The following USP15 variants were observed in gnomAD, a reference collection of about 807,000 sequenced individuals.
USP15 encodes ubiquitin specific peptidase 15, also known as ubiquitin carboxyl-terminal hydrolase 15.
Under a neutral mutation model 127.1 loss-of-function variants are expected in USP15, and 18 were observed. That is an observed-to-expected ratio of 0.14 (90% CI 0.10 to 0.21). USP15 has a LOEUF of 0.21. Ranked by LOEUF, USP15 falls within the 10% of genes least tolerant of loss-of-function variation. The pLI is 1.00. For synonymous variants in USP15, 364 were observed against 393.7 expected, an observed-to-expected ratio of 0.92 and a Z score of 0.89; for missense variants, 805 against 1,159.9, an observed-to-expected ratio of 0.69 and a Z score of 4.44.
At chr12:62,379,276 G>T (rs948394816) in intron 8 of USP15, among the ~76,000 whole-genome samples, 1 of 151,764 alleles carries the variant, frequency 6.6e-6, no homozygotes, top group Non-Finnish European at 1.5e-5. Flanking sequence ...AGTATGTGGA[G>T]GAATGACTAA....
intron 3 of USP15, among the ~76,000 whole-genome samples, chr12:62,314,267 T>TA (rs1356725144): frequency 6.6e-6 from 1 of 151,920 alleles, no homozygotes; most frequent in Non-Finnish European, 1.5e-5. Flanking sequence ...TTTTAATAGA[T>TA]ATATTTTAAC....
chr12:62,314,501 G>A (rs2064775298), intron 3 of USP15, among the ~76,000 whole-genome samples: 1 of 151,772 alleles, frequency 6.6e-6, no homozygotes. Flanking sequence ...ATTATTTATG[G>A]TGTACTAGTG....
intron 8 of USP15, among the ~76,000 whole-genome samples, chr12:62,365,319 T>C (rs920181105): frequency 5.9e-5 from 9 of 152,212 alleles, no homozygotes; most frequent in Non-Finnish European, 1.2e-4. Flanking sequence ...ATGAAGAGCT[T>C]TTTTTCATAT....
chr12:62,335,197 G>T, intron 6 of USP15: 1 of 1,535,604 alleles, frequency 6.5e-7, no homozygotes, highest in South Asian at 1.2e-5. Context: ...CTAGTGAACA[G>T]TTTAATTTCC....
intron 5 of USP15, among the ~76,000 whole-genome samples, chr12:62,322,804 A>G (rs1170093194): frequency 6.6e-6 from 1 of 152,052 alleles, no homozygotes; most frequent in Non-Finnish European, 1.5e-5. Flanking sequence ...CTCTTCCACC[A>G]TCTCTAGATT....
chr12:62,305,804 T>C (rs537654961), intron 3 of USP15: 59 of 152,362 alleles, frequency 3.9e-4, no homozygotes, highest in African/African-American at 1.4e-3. Flanking sequence ...TTCCATGTTG[T>C]ACTGAGGTTG....
At chr12:62,370,662 C>G (rs894459423) in intron 8 of USP15, among the ~76,000 whole-genome samples, 2 of 152,194 alleles carry the variant, frequency 1.3e-5, no homozygotes, top group African/African-American at 4.8e-5. Flanking sequence ...TTAGCTCACT[C>G]TTGACCTCCT....
rs1336057102 is a variant in USP15, at chr12:62,408,174, T to C, written c.*3799T>C. 1 of 151,616 alleles carries C rather than the reference T, an allele frequency of 6.6e-6. No homozygotes were observed. The highest frequency in any genetic ancestry group is 1.9e-4 in the East Asian group (1 of 5,168). The allele number at this position is 151,616 out of a possible 1,614,324, so 9.4% of individuals were successfully genotyped here. On this transcript the variant is annotated 3_prime_UTR_variant, in exon 22 of 22. Coordinates refer to ENST00000280377, the MANE Select transcript of USP15 (RefSeq NM_001252078.2). ...GTGGTACACCAAAGGGAGTGTAGGG[T>C]GTAGTAGGAGCTCTCTGCCTCCGAG...
intron 20 of USP15, among the ~76,000 whole-genome samples, chr12:62,398,531 T>A (rs188989002): frequency 4.5e-4 from 69 of 152,340 alleles, no homozygotes; most frequent in Middle Eastern, 3.4e-3. Flanking sequence ...ATGTTTTAAT[T>A]TCCTTTATGA....
intron 6 of USP15, among the ~76,000 whole-genome samples, chr12:62,339,106 G>A (rs1333084607): frequency 2.0e-5 from 3 of 152,020 alleles, no homozygotes; most frequent in Admixed American, 6.6e-5. Flanking sequence ...GGTCCTTCAC[G>A]TCCATTGTAG....
chr12:62,339,115 A>T (rs2065572378), intron 6 of USP15, among the ~76,000 whole-genome samples: 1 of 151,932 alleles, frequency 6.6e-6, no homozygotes, highest in Admixed American at 6.6e-5. Context: ...CGTCCATTGT[A>T]GGTGGTATTC....
intron 7 of USP15, among the ~76,000 whole-genome samples, chr12:62,350,850 T>C (rs553434954): frequency 6.6e-6 from 1 of 152,154 alleles, no homozygotes; most frequent in Non-Finnish European, 1.5e-5. Flanking sequence ...GGTTTCGAAC[T>C]CCTGGGCTCA....
In USP15 at chr12:62,405,392, C is replaced by T. The variant is rs2067833333; in HGVS notation, c.*1017C>T. On this transcript the variant is annotated 3_prime_UTR_variant, in exon 22 of 22. Transcript: ENST00000280377. The stretch of plus-strand genomic sequence containing the variant: ...GTCTGTTAACTTTCTTTGTGTGTTC[C>T]TGATGGAATTCACCATAGCCTTACA... The T allele has an allele frequency of 6.6e-6, 1 of 152,444 alleles. No individual in the cohort carries two copies. Among genetic ancestry groups the T allele is most frequent in the Non-Finnish European group, 1.5e-5 (1 of 67,966 alleles). 9.4% of individuals were successfully genotyped at this position (152,444 alleles called of 1,614,324 possible).
chr12:62,394,322 A>T (rs2067415666), intron 19 of USP15, among the ~76,000 whole-genome samples: 1 of 152,216 alleles, frequency 6.6e-6, no homozygotes, highest in Non-Finnish European at 1.5e-5. Context: ...AATGTACTTG[A>T]TACAGTTAGT....
chr12:62,382,979 A>T (rs2067035186), intron 9 of USP15, among the ~76,000 whole-genome samples: 1 of 151,944 alleles, frequency 6.6e-6, no homozygotes, highest in East Asian at 1.9e-4. Context: ...GTGAAACAAC[A>T]ATTAATGACA....
rs2067979555 is a variant in USP15, at chr12:62,409,318, A to T, written c.*4943A>T. 1 of 152,176 alleles carries T rather than the reference A, an allele frequency of 6.6e-6. No individual in the cohort carries two copies. Among genetic ancestry groups the T allele is most frequent in the Admixed American group, 6.6e-5 (1 of 15,266 alleles). The allele number at this position is 152,176 out of a possible 1,614,324, so 9.4% of individuals were successfully genotyped here. ...GAATTTACGTAATATATTGGACTAC[A>T]GTCTCAAAGGACAGAGAGAAAATCA... On this transcript the variant is annotated 3_prime_UTR_variant, in exon 22 of 22. Transcript: ENST00000280377.
intron 6 of USP15, among the ~76,000 whole-genome samples, chr12:62,332,325 A>G (rs550530600): frequency 6.6e-6 from 1 of 152,292 alleles, no homozygotes; most frequent in African/African-American, 2.4e-5. Context: ...TTTCTTAAAC[A>G]GCCTCTTAAA....
intron 8 of USP15, among the ~76,000 whole-genome samples, chr12:62,375,034 G>C (rs2066782352): frequency 6.6e-6 from 1 of 151,960 alleles, no homozygotes; most frequent in Non-Finnish European, 1.5e-5. Flanking sequence ...ATTCTTCAAG[G>C]TGTAATTAAT....
intron 1 of USP15, among the ~76,000 whole-genome samples, chr12:62,285,775 G>T (rs1253834280): frequency 1.3e-5 from 2 of 152,088 alleles, no homozygotes; most frequent in Non-Finnish European, 2.9e-5. Context: ...TTGATAGAAT[G>T]ATTTCATTTC....
Sources: gnomAD v4.1 joint callset for allele counts (sites outside exome capture counted in the v4.1 genomes callset) on GRCh38, gnomAD v4.1.1 for gene constraint, MANE v1.5 for transcripts, NCBI Gene and HGNC (gene_info 2026-07-23, HGNC 2026-07-21) for gene names.